TMC1: variants seen among roughly 807,000 people sequenced by gnomAD.
TMC1 encodes transmembrane channel-like protein 1.
TMC1 carries 84 observed loss-of-function variants against 105.8 expected under a neutral mutation model. The ratio of observed to expected loss-of-function variants is 0.79; its 90% CI spans 0.67 to 0.95. The LOEUF is 0.95. TMC1 is among the 40% of genes least tolerant of loss of function. The pLI is 0.00. For missense variants in TMC1, 817 were observed against 914.1 expected (o/e 0.89, Z 1.37); for synonymous variants, 315 against 311.5 (o/e 1.01, Z -0.12).
At chr9:72,739,535 C>T (rs1827354154) in intron 8 of TMC1, among the ~76,000 whole-genome samples, 1 of 152,182 alleles carries the variant, frequency 6.6e-6, no homozygotes, top group East Asian at 1.9e-4. Context: ...TTAAAGTTTA[C>T]ATTTAAAGCC....
chr9:72,830,309 A>G (rs530604536), intron 21 of TMC1, 142 bp from the exon 22 acceptor site: 107 of 686,680 alleles, frequency 1.6e-4, no homozygotes, highest in Non-Finnish European at 2.5e-4. Flanking sequence ...GCTTTTATCT[A>G]TAAGACAAGA....
chr9:72,628,521 G>T (rs945011385), intron 4 of TMC1, among the ~76,000 whole-genome samples: 1 of 152,190 alleles, frequency 6.6e-6, no homozygotes, highest in South Asian at 2.1e-4. Flanking sequence ...GCACACCCTT[G>T]TGCCAAATGG....
intron 20 of TMC1, among the ~76,000 whole-genome samples, chr9:72,825,537 G>A (rs1828937962): frequency 1.3e-5 from 2 of 152,152 alleles, no homozygotes; most frequent in South Asian, 4.1e-4. Context: ...GGGTCACACT[G>A]GATGCTGAGA....
intron 11 of TMC1, 62 bp downstream of exon 11, chr9:72,752,018 A>G: frequency 9.4e-7 from 1 of 1,060,856 alleles, no homozygotes; most frequent in South Asian, 1.2e-5. Flanking sequence ...AAAAGTATTT[A>G]TCTCTTCTTT....
chr9:72,616,912 G>T (rs1384936308), intron 3 of TMC1, among the ~76,000 whole-genome samples: 3 of 152,100 alleles, frequency 2.0e-5, no homozygotes, highest in South Asian at 2.1e-4. Context: ...TTGTTGATTT[G>T]AATGTTGTTT....
At position 72,805,409 on chromosome 9, in the gene TMC1, G is replaced by A. The variant is rs759289124; in HGVS notation, c.1594G>A (p.Val532Ile). Residue 532 changes from valine (V) to isoleucine (I), a missense_variant, in exon 18 of 24, where the codon GTT becomes ATT. Transcript: ENST00000297784. ...GTTTGTGAGGCTGACAGTCTCTGAT[G>A]TTCTGACCACCTACGTCACAATCCT... Reference protein sequence around the residue: ...QEFVRLTVSDVLTTYVTILIG... With the variant: ...QEFVRLTVSDILTTYVTILIG... The A allele has an allele frequency of 5.6e-6, 9 of 1,613,880 alleles. No individual in the cohort carries two copies. Among genetic ancestry groups the A allele is most frequent in the Middle Eastern group, 3.3e-4 (2 of 6,060 alleles).
At chr9:72,784,083 T>G (rs893125905) in intron 13 of TMC1, among the ~76,000 whole-genome samples, 5 of 152,142 alleles carry the variant, frequency 3.3e-5, no homozygotes, top group Admixed American at 2.6e-4. Flanking sequence ...CTAATTAAAC[T>G]AAAGAACTTC....
At chr9:72,667,755 C>G (rs1368427307) in intron 5 of TMC1, among the ~76,000 whole-genome samples, 1 of 152,196 alleles carries the variant, frequency 6.6e-6, no homozygotes, top group East Asian at 1.9e-4. Context: ...CCTCTTCTTA[C>G]CTCAATGAGG....
chr9:72,814,738 G>A (rs1222912711), intron 18 of TMC1, among the ~76,000 whole-genome samples: 2 of 152,204 alleles, frequency 1.3e-5, no homozygotes, highest in Non-Finnish European at 2.9e-5. Flanking sequence ...GGAAAGTGAT[G>A]AAGTTGAGGC....
rs146285808 is a variant in TMC1 at position 72,643,639 on chromosome 9, G to A, written c.-52-4958G>A. On this transcript the variant is annotated intron_variant, in intron 4 of 23. Coordinates refer to ENST00000297784, the MANE Select transcript of TMC1 (RefSeq NM_138691.3). ...TTTGTGTGTATCAATAGTTCATTCT[G>A]TATTATTACAAATTAGCATTCAATT... is the stretch of plus-strand genomic sequence containing the variant. Among the ~76,000 whole-genome samples, 538 of 152,080 alleles carry A rather than the reference G, an allele frequency of 3.5e-3. 6 individuals are homozygous for A. The highest frequency in any genetic ancestry group is 0.012 in the African/African-American group (503 of 41,502).
chr9:72,565,033 C>T (rs143779869), intron 1 of TMC1, among the ~76,000 whole-genome samples: 179 of 152,238 alleles, frequency 1.2e-3, no homozygotes, highest in African/African-American at 4.1e-3. Flanking sequence ...CTATGTTAAC[C>T]ATCCCTGTAC....
chr9:72,747,397 A>G (rs558033912), intron 10 of TMC1, among the ~76,000 whole-genome samples: 2 of 152,270 alleles, frequency 1.3e-5, no homozygotes, highest in African/African-American at 2.4e-5. Flanking sequence ...CTTATTACCC[A>G]TCTATTCAAG....
At chr9:72,573,157 C>T (rs1336194152) in intron 1 of TMC1, among the ~76,000 whole-genome samples, 1 of 152,098 alleles carries the variant, frequency 6.6e-6, no homozygotes, top group African/African-American at 2.4e-5. Flanking sequence ...TATTCATATA[C>T]TTTGACCACA....
chr9:72,679,006 A>G (rs1030543335), intron 5 of TMC1, among the ~76,000 whole-genome samples: 1 of 152,022 alleles, frequency 6.6e-6, no homozygotes, highest in African/African-American at 2.4e-5. Context: ...ACTGAAGTCT[A>G]TATTTACCTA....
rs1167231174 is a variant in TMC1, at chr9:72,791,892, A to G, written c.1231A>G (p.Met411Val). Residue 411 changes from methionine (M) to valine (V), a missense_variant, in exon 16 of 24, where the codon ATG becomes GTG. Coordinates refer to ENST00000297784, the MANE Select transcript of TMC1 (RefSeq NM_138691.3). Reference protein sequence around the residue: ...LGWWEKNEMNMVMSLLGMFCP... With the variant: ...LGWWEKNEMNVVMSLLGMFCP... ...CCCTTGTGCCTCCTTGTAGATGAAC[A>G]TGGTTATGTCCCTCCTAGGGATGTT... 2 of 1,612,294 alleles carry G rather than the reference A, an allele frequency of 1.2e-6. No homozygotes were observed. Among genetic ancestry groups the G allele is most frequent in the African/African-American group, 2.7e-5 (2 of 74,894 alleles).
intron 1 of TMC1, among the ~76,000 whole-genome samples, chr9:72,576,827 C>T (rs1400732369): frequency 6.6e-6 from 1 of 151,920 alleles, no homozygotes; most frequent in Non-Finnish European, 1.5e-5. Flanking sequence ...GACAGGGTTT[C>T]ACCATGTTGG....
chr9:72,545,622 G>T (rs1389193048), intron 1 of TMC1, among the ~76,000 whole-genome samples: 1 of 151,998 alleles, frequency 6.6e-6, no homozygotes, highest in Non-Finnish European at 1.5e-5. Flanking sequence ...CGAGTAGCTG[G>T]GATTAGAGGC....
At chr9:72,714,238 C>G (rs1176947584) in intron 8 of TMC1, among the ~76,000 whole-genome samples, 1 of 152,134 alleles carries the variant, frequency 6.6e-6, no homozygotes, top group Admixed American at 6.5e-5. Flanking sequence ...AGTGTATATT[C>G]TGTTTATTTC....
chr9:72,674,517 C>T (rs182605673), intron 5 of TMC1, among the ~76,000 whole-genome samples: 49 of 152,290 alleles, frequency 3.2e-4, no homozygotes, highest in African/African-American at 1.1e-3. Flanking sequence ...TTCCCCGTGC[C>T]CTCAGGATGC....
Sources: gnomAD v4.1 joint callset for allele counts (sites outside exome capture counted in the v4.1 genomes callset) on GRCh38, gnomAD v4.1.1 for gene constraint, MANE v1.5 for transcripts, NCBI Gene and HGNC (gene_info 2026-07-23, HGNC 2026-07-21) for gene names.